FHIT: variants seen among roughly 807,000 people sequenced by gnomAD.
The protein encoded by FHIT is fragile histidine triad diadenosine triphosphatase.
Under a neutral mutation model 17.9 loss-of-function variants are expected in FHIT, and 19 were observed. That is an observed-to-expected ratio of 1.06 (90% CI 0.74 to 1.56). The LOEUF is 1.56. FHIT is among the 40% of genes most tolerant of loss of function. The probability of loss-of-function intolerance (pLI) is 0.00; values close to 1 mark genes in which losing one functional copy is unlikely to be tolerated. For synonymous variants in FHIT, 81 were observed against 69.7 expected, an observed-to-expected ratio of 1.16 and a Z score of -0.81; for missense variants, 248 against 189.2, an observed-to-expected ratio of 1.31 and a Z score of -1.82.
At chr3:60,923,973 C>G (rs1559833303) in intron 3 of FHIT, among the ~76,000 whole-genome samples, 1 of 152,138 alleles carries the variant, frequency 6.6e-6, no homozygotes, top group Non-Finnish European at 1.5e-5. Context: ...AGGAAAGCAG[C>G]CTGAGATCAA....
chr3:61,199,164 T>C (rs2038942486), intron 2 of FHIT, among the ~76,000 whole-genome samples: 2 of 152,202 alleles, frequency 1.3e-5, no homozygotes, highest in African/African-American at 4.8e-5. Context: ...CCATGTCTGA[T>C]TCCAGAGTAC....
chr3:59,795,612 T>A (rs1322451945), intron 8 of FHIT, among the ~76,000 whole-genome samples: 1 of 151,840 alleles, frequency 6.6e-6, no homozygotes, highest in Non-Finnish European at 1.5e-5. Context: ...TAGTCCCAGC[T>A]ACTCAGGAGA....
chr3:59,776,987 ACTC>A (rs1038771236), intron 8 of FHIT, among the ~76,000 whole-genome samples: 4 of 151,798 alleles, frequency 2.6e-5, no homozygotes, highest in South Asian at 2.1e-4. Context: ...TAAAATCTAA[ACTC>A]CTCTCTGACC....
chr3:60,202,434 G>T (rs1015657065), intron 5 of FHIT, among the ~76,000 whole-genome samples: 6 of 152,148 alleles, frequency 3.9e-5, no homozygotes, highest in African/African-American at 1.4e-4. Flanking sequence ...AAGAGAAAGG[G>T]GGTACTGCTG....
chr3:59,782,201 G>A (rs982266533), intron 8 of FHIT, among the ~76,000 whole-genome samples: 3 of 152,160 alleles, frequency 2.0e-5, no homozygotes, highest in South Asian at 2.1e-4. Context: ...TGATCCACCC[G>A]CCTCGGCCTC....
At chr3:60,650,381 G>C (rs1019274510) in intron 4 of FHIT, among the ~76,000 whole-genome samples, 4 of 152,038 alleles carry the variant, frequency 2.6e-5, no homozygotes, top group Non-Finnish European at 5.9e-5. Context: ...TTTCACAAGA[G>C]AAAGCCCAGA....
At chr3:59,805,808 A>G (rs1700171833) in intron 8 of FHIT, among the ~76,000 whole-genome samples, 1 of 152,154 alleles carries the variant, frequency 6.6e-6, no homozygotes, top group Non-Finnish European at 1.5e-5. Context: ...AATGAGGGTT[A>G]ACCATGTACT....
chr3:60,998,362 C>T (rs1007260756), intron 3 of FHIT, among the ~76,000 whole-genome samples: 3 of 152,160 alleles, frequency 2.0e-5, no homozygotes, highest in Non-Finnish European at 2.9e-5. Context: ...AATAGGTACT[C>T]ATTTGGACTT....
At chr3:60,143,777 G>A (rs1266572601) in intron 5 of FHIT, among the ~76,000 whole-genome samples, 1 of 151,980 alleles carries the variant, frequency 6.6e-6, no homozygotes, top group African/African-American at 2.4e-5. Flanking sequence ...TAATTTCAGA[G>A]ACCCTCAACA....
chr3:60,405,641 G>A (rs952281752), intron 5 of FHIT, among the ~76,000 whole-genome samples: 2 of 152,138 alleles, frequency 1.3e-5, no homozygotes, highest in Admixed American at 6.5e-5. Flanking sequence ...CTCCTACATC[G>A]CTAGCCAGAG....
intron 3 of FHIT, among the ~76,000 whole-genome samples, chr3:60,921,833 A>G (rs565434268): frequency 1.3e-5 from 2 of 152,348 alleles, no homozygotes; most frequent in Admixed American, 6.5e-5. Context: ...GGGGCAAGAC[A>G]TGTTCCCTGC....
At chr3:59,772,633 C>T (rs1406703998) in intron 8 of FHIT, among the ~76,000 whole-genome samples, 2 of 152,162 alleles carry the variant, frequency 1.3e-5, no homozygotes, top group African/African-American at 4.8e-5. Context: ...CATAGTGCCT[C>T]TTCAGGAGAG....
chr3:61,220,845 A>G (rs1047442574), intron 1 of FHIT, among the ~76,000 whole-genome samples: 10 of 152,192 alleles, frequency 6.6e-5, no homozygotes, highest in Non-Finnish European at 1.2e-4. Flanking sequence ...CCATGCTTTC[A>G]CAAAACAATA....
chr3:60,298,853 T>C (rs956605882), intron 5 of FHIT, among the ~76,000 whole-genome samples: 14 of 152,166 alleles, frequency 9.2e-5, no homozygotes, highest in African/African-American at 3.1e-4. Flanking sequence ...CTGAGTCAAG[T>C]GGCATGCAGC....
chr3:60,453,791 G>A (rs564407991), intron 5 of FHIT, among the ~76,000 whole-genome samples: 1 of 152,074 alleles, frequency 6.6e-6, no homozygotes, highest in Non-Finnish European at 1.5e-5. Context: ...GATAATAATT[G>A]TATTTTTATT....
chr3:60,049,031 T>A (rs543370766), intron 5 of FHIT, among the ~76,000 whole-genome samples: 117 of 152,324 alleles, frequency 7.7e-4, no homozygotes, highest in Non-Finnish European at 1.5e-3. Flanking sequence ...CTCTCCAAGA[T>A]GTCACTTGGA....
intron 5 of FHIT, among the ~76,000 whole-genome samples, chr3:60,373,874 A>T (rs530203325): frequency 1.3e-5 from 2 of 152,358 alleles, no homozygotes; most frequent in Admixed American, 1.3e-4. Context: ...TGGTAGCAGA[A>T]AAGCCAATAA....
Position 60,621,395 on chromosome 3 carries a change from C to T in FHIT, c.-17-84416G>A, listed in dbSNP as rs553770404. ...CGAACTCCTGACCTCATGATCTGCC[C>T]GCCTCAGCCTCCCAAAGTGCTGGGA... is the stretch of plus-strand genomic sequence containing the variant. On this transcript the variant is annotated intron_variant, in intron 4 of 9. Transcript: ENST00000492590. Among the ~76,000 whole-genome samples the T allele has an allele frequency of 1.2e-3, 185 of 151,974 alleles. 1 individual carries two copies. The highest frequency in any genetic ancestry group is 4.8e-3 in the South Asian group (23 of 4,810).
chr3:61,053,901 A>T (rs1486796204), intron 2 of FHIT, among the ~76,000 whole-genome samples: 2 of 152,220 alleles, frequency 1.3e-5, no homozygotes, highest in Non-Finnish European at 2.9e-5. Context: ...GTCCCAAATC[A>T]ATAAGCAGAG....
Sources: gnomAD v4.1 joint callset for allele counts (sites outside exome capture counted in the v4.1 genomes callset) on GRCh38, gnomAD v4.1.1 for gene constraint, MANE v1.5 for transcripts, NCBI Gene and HGNC (gene_info 2026-07-23, HGNC 2026-07-21) for gene names.